Variants in ITPKB observed in about 807,000 individuals in gnomAD.
ITPKB encodes the protein inositol-trisphosphate 3-kinase B.
In ITPKB, 13 loss-of-function variants were observed where a neutral mutation model predicts 69.4. The observed-to-expected ratio is 0.19, with a 90% CI of 0.12 to 0.30. ITPKB has a LOEUF of 0.30. ITPKB is among the 10% of genes least tolerant of loss of function. The probability of loss-of-function intolerance (pLI) is 1.00; values close to 1 mark genes in which losing one functional copy is unlikely to be tolerated. For synonymous variants in ITPKB, 584 were observed against 513.7 expected, an observed-to-expected ratio of 1.14 and a Z score of -1.85; for missense variants, 1,240 against 1,250.5, an observed-to-expected ratio of 0.99 and a Z score of 0.13.
intron 2 of ITPKB, among the ~76,000 whole-genome samples, chr1:226,730,976 C>T (rs1244248170): frequency 6.6e-6 from 1 of 152,158 alleles, no homozygotes; most frequent in Non-Finnish European, 1.5e-5. Context: ...TACCTAAAAG[C>T]GGGTGAGTCT....
intron 2 of ITPKB, among the ~76,000 whole-genome samples, chr1:226,733,193 T>C (rs989309602): frequency 9.2e-5 from 14 of 152,204 alleles, no homozygotes; most frequent in Non-Finnish European, 2.9e-5. Flanking sequence ...TGTAAGCAAG[T>C]GTGAGCAAGC....
intron 2 of ITPKB, chr1:226,707,913 T>C: frequency 7.5e-7 from 1 of 1,333,528 alleles, no homozygotes; most frequent in Non-Finnish European, 9.9e-7. Context: ...TCCCAAGAAG[T>C]CACTAAAGGG....
intron 2 of ITPKB, among the ~76,000 whole-genome samples, chr1:226,719,862 C>G (rs1445823189): frequency 2.6e-5 from 4 of 152,248 alleles, no homozygotes; most frequent in African/African-American, 9.6e-5. Flanking sequence ...GTGGGCAGAT[C>G]TGCCCTTCTC....
At chr1:226,703,704 C>T (rs573722831) in intron 2 of ITPKB, among the ~76,000 whole-genome samples, 1 of 152,248 alleles carries the variant, frequency 6.6e-6, no homozygotes, top group East Asian at 1.9e-4. Context: ...TGACCTGCAC[C>T]CCTGGCTTGC....
intron 2 of ITPKB, among the ~76,000 whole-genome samples, chr1:226,713,768 C>G (rs1489818267): frequency 6.6e-6 from 1 of 152,102 alleles, no homozygotes; most frequent in African/African-American, 2.4e-5. Context: ...ACAGTGACAG[C>G]CAAAGAAAGC....
intron 2 of ITPKB, among the ~76,000 whole-genome samples, chr1:226,701,926 G>T (rs561902968): frequency 6.6e-6 from 1 of 152,156 alleles, no homozygotes; most frequent in East Asian, 1.9e-4. Context: ...CTCATTCACG[G>T]CTCCCTTAAC....
chr1:226,708,111 G>T (rs1656855039), intron 2 of ITPKB, among the ~76,000 whole-genome samples: 1 of 152,122 alleles, frequency 6.6e-6, no homozygotes, highest in African/African-American at 2.4e-5. Flanking sequence ...AACAATAAAA[G>T]ATAAAACTAG....
intron 2 of ITPKB, among the ~76,000 whole-genome samples, chr1:226,668,172 T>C (rs535772325): frequency 6.1e-4 from 93 of 152,240 alleles, no homozygotes; most frequent in Non-Finnish European, 1.0e-3. Flanking sequence ...TTCTGAACAA[T>C]TGCTGCATTA....
intron 2 of ITPKB, among the ~76,000 whole-genome samples, chr1:226,688,830 G>C (rs928627242): frequency 1.3e-5 from 2 of 152,214 alleles, no homozygotes; most frequent in Non-Finnish European, 2.9e-5. Context: ...GGTAGGGATA[G>C]GGATGGGAAT....
At chr1:226,734,787 C>G (rs1034236210) in intron 2 of ITPKB, among the ~76,000 whole-genome samples, 1 of 152,222 alleles carries the variant, frequency 6.6e-6, no homozygotes, top group East Asian at 1.9e-4. Flanking sequence ...AAATGTCAAC[C>G]TGTACCAACT....
At chr1:226,659,064 G>A (rs886106466) in intron 2 of ITPKB, among the ~76,000 whole-genome samples, 6 of 152,146 alleles carry the variant, frequency 3.9e-5, no homozygotes, top group South Asian at 2.1e-4. Flanking sequence ...TTTGAGGGAC[G>A]CCACCATGGT....
Position 226,711,405 on chromosome 1 carries a change from AAGAGAGAGAGAGAG to A in ITPKB, c.1932+24108_1932+24121del, listed in dbSNP as rs59479705. 8.5e-5 allele frequency among the ~76,000 whole-genome samples: 11 copies of A among 129,882 alleles called. No individual in the cohort carries two copies. The South Asian group carries it at 1.9e-3, about 22-fold the overall frequency. The allele number at this position is 129,882 out of a possible 152,430, so 85.2% of individuals were successfully genotyped here. On this transcript the variant is annotated intron_variant, in intron 2 of 7. Coordinates refer to ENST00000429204, the MANE Select transcript of ITPKB (RefSeq NM_002221.4). ...CCTCCAGCCCTAGAGGGTGTTTTGA[AAGAGAGAGAGAGAG>A]AGAGAGAGAGAGAGAGAGAGAGAGT...
chr1:226,729,487 A>G (rs1363350658), intron 2 of ITPKB, among the ~76,000 whole-genome samples: 1 of 150,642 alleles, frequency 6.6e-6, no homozygotes, highest in African/African-American at 2.4e-5. Context: ...ACCTCAAAAA[A>G]AAAAAAAAAA....
chr1:226,680,183 C>T (rs1003645284), intron 2 of ITPKB, among the ~76,000 whole-genome samples: 1 of 152,218 alleles, frequency 6.6e-6, no homozygotes, highest in Non-Finnish European at 1.5e-5. Context: ...CCAGGCAGCG[C>T]AGCGCCCGCG....
chr1:226,705,542 A>C (rs1293937445), intron 2 of ITPKB, among the ~76,000 whole-genome samples: 1 of 151,962 alleles, frequency 6.6e-6, no homozygotes, highest in Admixed American at 6.6e-5. Context: ...AAAAAAAAAA[A>C]AAAAATGATG....
Position 226,738,542 on chromosome 1 carries a change from G to A in ITPKB, c.-206+499C>T, listed in dbSNP as rs960388028. 1.3e-5 allele frequency among the ~76,000 whole-genome samples: 2 copies of A among 152,206 alleles called. No homozygotes were observed. Among genetic ancestry groups the A allele is most frequent in the Admixed American group, 6.5e-5 (1 of 15,282 alleles). On this transcript the variant is annotated intron_variant, in intron 1 of 7. Coordinates refer to ENST00000429204, the MANE Select transcript of ITPKB (RefSeq NM_002221.4). The surrounding 1 kb of genome is among the most constrained non-coding windows in gnomAD (Gnocchi z 4.2). Reference sequence around the variant, plus strand: ...TCCGCTCTCAGCGCGCCCTGTTGCCGAGGACGCGACTGCCCCTGCGGGCTC... The same window carrying A: ...TCCGCTCTCAGCGCGCCCTGTTGCCAAGGACGCGACTGCCCCTGCGGGCTC...
intron 4 of ITPKB, among the ~76,000 whole-genome samples, chr1:226,645,852 C>T (rs1669052808): frequency 6.6e-6 from 1 of 152,308 alleles, no homozygotes; most frequent in Admixed American, 6.5e-5. Flanking sequence ...GGCTCAAGAG[C>T]AAACAGTGGG....
chr1:226,648,602 T>A (rs1032762672), intron 3 of ITPKB, 70 bp downstream of exon 3: 1 of 918,636 alleles, frequency 1.1e-6, no homozygotes. Flanking sequence ...ATCCCCAGAA[T>A]GCAGCGTCCA....
intron 2 of ITPKB, among the ~76,000 whole-genome samples, chr1:226,711,914 G>A (rs1160847004): frequency 6.6e-6 from 1 of 152,176 alleles, no homozygotes; most frequent in African/African-American, 2.4e-5. Context: ...ACTAGGGTGA[G>A]GTTGGGCATT....
Sources: allele counts gnomAD v4.1 joint callset (sites outside exome capture counted in the v4.1 genomes callset), GRCh38; gene constraint gnomAD v4.1.1; non-coding constraint Gnocchi (gnomAD v3.1); transcripts MANE v1.5; gene names NCBI Gene and HGNC (gene_info 2026-07-23, HGNC 2026-07-21).